Variants in GALNTL6 observed in about 807,000 individuals in gnomAD.
GALNTL6 encodes polypeptide N-acetylgalactosaminyltransferase like 6.
GALNTL6 carries 46 observed loss-of-function variants against 73.7 expected under a neutral mutation model. The observed-to-expected ratio is 0.62, with a 90% CI of 0.49 to 0.80. The LOEUF is 0.80. GALNTL6 is among the 30% of genes least tolerant of loss of function. GALNTL6 has a pLI of 0.00. For missense variants in GALNTL6, 604 were observed against 755.0 expected (o/e 0.80, Z 2.34); for synonymous variants, 259 against 263.7 (o/e 0.98, Z 0.17).
intron 10 of GALNTL6, among the ~76,000 whole-genome samples, chr4:173,008,597 G>A (rs1752399163): frequency 6.6e-6 from 1 of 152,208 alleles, no homozygotes; most frequent in Non-Finnish European, 1.5e-5. Context: ...CCTCAAATCT[G>A]TCTCCCCAAG....
intron 5 of GALNTL6, among the ~76,000 whole-genome samples, chr4:172,804,968 C>T (rs527609463): frequency 6.6e-6 from 1 of 152,182 alleles, no homozygotes; most frequent in South Asian, 2.1e-4. Context: ...ACCAAAATAC[C>T]AACCAATGGG....
intron 2 of GALNTL6, among the ~76,000 whole-genome samples, chr4:171,858,930 C>A (rs527833173): frequency 4.8e-4 from 73 of 152,056 alleles, no homozygotes; most frequent in African/African-American, 1.8e-3. Flanking sequence ...TTTTAATAAG[C>A]CCTTAATGTT....
chr4:172,753,158 A>G (rs1292766439), intron 5 of GALNTL6, among the ~76,000 whole-genome samples: 2 of 152,176 alleles, frequency 1.3e-5, no homozygotes, highest in Non-Finnish European at 2.9e-5. Flanking sequence ...TTCTTGTGGT[A>G]GTCAGTAAGT....
rs370664675 is a variant in GALNTL6 at position 172,243,278 on chromosome 4, T to C, written c.247+13514T>C. On this transcript the variant is annotated intron_variant, in intron 3 of 12. Coordinates refer to ENST00000506823, the MANE Select transcript of GALNTL6 (RefSeq NM_001034845.3). ...GTCACCAGATCATATGTCCCCAGTT[T>C]AGAAAGGCCTGCCAATCACCATATT... Among the ~76,000 whole-genome samples the C allele has an allele frequency of 2.4e-3, 362 of 152,288 alleles. 2 individuals are homozygous for C. The highest frequency in any genetic ancestry group is 8.2e-3 in the African/African-American group (340 of 41,568).
chr4:172,641,955 G>A (rs1218773570), intron 5 of GALNTL6, among the ~76,000 whole-genome samples: 1 of 151,922 alleles, frequency 6.6e-6, no homozygotes, highest in Non-Finnish European at 1.5e-5. Context: ...GATATACAAA[G>A]GGCCAACAGG....
At chr4:172,670,832 T>C (rs1168779923) in intron 5 of GALNTL6, among the ~76,000 whole-genome samples, 1 of 152,182 alleles carries the variant, frequency 6.6e-6, no homozygotes, top group African/African-American at 2.4e-5. Flanking sequence ...TTGTATCTGG[T>C]GTAAGGAAGG....
chr4:172,132,722 T>C (rs956887229), intron 2 of GALNTL6, among the ~76,000 whole-genome samples: 1 of 152,182 alleles, frequency 6.6e-6, no homozygotes, highest in Non-Finnish European at 1.5e-5. Context: ...AACCTTTCAG[T>C]GTTTTTATGA....
intron 2 of GALNTL6, among the ~76,000 whole-genome samples, chr4:171,976,285 A>G (rs1170599227): frequency 1.3e-5 from 2 of 152,226 alleles, no homozygotes; most frequent in African/African-American, 4.8e-5. Flanking sequence ...GTGTCGTTAC[A>G]TAATTTGCAT....
intron 4 of GALNTL6, among the ~76,000 whole-genome samples, chr4:172,327,487 T>C (rs1740982152): frequency 6.6e-6 from 1 of 152,258 alleles, no homozygotes; most frequent in South Asian, 2.1e-4. Flanking sequence ...ATATTGTCAG[T>C]GTGGTGTTGA....
At chr4:172,318,396 G>T (rs1025331642) in intron 4 of GALNTL6, among the ~76,000 whole-genome samples, 1 of 152,110 alleles carries the variant, frequency 6.6e-6, no homozygotes, top group South Asian at 2.1e-4. Flanking sequence ...AGACCATGAG[G>T]CTGGGTCTTT....
At chr4:171,991,730 G>A (rs200471165) in intron 2 of GALNTL6, among the ~76,000 whole-genome samples, 105 of 98,154 alleles carry the variant, frequency 1.1e-3, no homozygotes, top group South Asian at 1.1e-3. Flanking sequence ...GTGTGTGTGT[G>A]TATATATATA....
At chr4:172,006,360 G>A (rs1004819957) in intron 2 of GALNTL6, among the ~76,000 whole-genome samples, 1 of 152,158 alleles carries the variant, frequency 6.6e-6, no homozygotes, top group Admixed American at 6.6e-5. Flanking sequence ...GGACACGGTG[G>A]CTCTTGCCTG....
chr4:171,977,743 C>T (rs1739764216), intron 2 of GALNTL6, among the ~76,000 whole-genome samples: 2 of 152,170 alleles, frequency 1.3e-5, no homozygotes, highest in Non-Finnish European at 2.9e-5. Context: ...TTCAATGCAT[C>T]TGTTGCATAT....
chr4:172,050,655 G>A (rs1481662883), intron 2 of GALNTL6, among the ~76,000 whole-genome samples: 1 of 152,100 alleles, frequency 6.6e-6, no homozygotes, highest in African/African-American at 2.4e-5. Flanking sequence ...ATTCAGGGAC[G>A]TTAGTTATCT....
At chr4:172,090,330 G>C (rs996666266) in intron 2 of GALNTL6, among the ~76,000 whole-genome samples, 1 of 152,082 alleles carries the variant, frequency 6.6e-6, no homozygotes, top group Non-Finnish European at 1.5e-5. Context: ...GTGTAAAAGC[G>C]TTCCTATTTC....
intron 5 of GALNTL6, among the ~76,000 whole-genome samples, chr4:172,776,140 C>T (rs1739060469): frequency 6.6e-6 from 1 of 152,206 alleles, no homozygotes; most frequent in African/African-American, 2.4e-5. Flanking sequence ...TTAATGTGTG[C>T]TGTTTTAAGC....
At chr4:172,199,854 A>G (rs1323020348) in intron 2 of GALNTL6, among the ~76,000 whole-genome samples, 1 of 152,188 alleles carries the variant, frequency 6.6e-6, no homozygotes, top group Non-Finnish European at 1.5e-5. Flanking sequence ...CATACTCTAG[A>G]AAGACTTTTC....
At chr4:171,996,526 G>A (rs1740489275) in intron 2 of GALNTL6, among the ~76,000 whole-genome samples, 1 of 151,928 alleles carries the variant, frequency 6.6e-6, no homozygotes, top group South Asian at 2.1e-4. Flanking sequence ...ATAATTAAAA[G>A]CAAGACTGTG....
At chr4:172,944,940 C>A (rs1749089049) in intron 9 of GALNTL6, among the ~76,000 whole-genome samples, 1 of 151,916 alleles carries the variant, frequency 6.6e-6, no homozygotes, top group African/African-American at 2.4e-5. Context: ...CGCCTGTAAT[C>A]CCAGCTACTT....
Sources: allele counts gnomAD v4.1 joint callset (sites outside exome capture counted in the v4.1 genomes callset), GRCh38; gene constraint gnomAD v4.1.1; transcripts MANE v1.5; gene names NCBI Gene and HGNC (gene_info 2026-07-23, HGNC 2026-07-21).